The following HMGCLL1 variants were observed in gnomAD, a reference collection of about 807,000 sequenced individuals.
HMGCLL1 encodes the protein 3-hydroxymethyl-3-methylglutaryl-CoA lyase, cytoplasmic.
HMGCLL1 carries 36 observed loss-of-function variants against 39.1 expected under a neutral mutation model. The observed-to-expected ratio is 0.92, with a 90% CI of 0.71 to 1.22. The LOEUF is 1.22. Ranked by LOEUF, HMGCLL1 falls within the 50% of genes most tolerant of loss-of-function variation. The probability of loss-of-function intolerance (pLI) is 0.00; values close to 1 mark genes in which losing one functional copy is unlikely to be tolerated. For missense variants in HMGCLL1, 451 were observed against 416.5 expected, an observed-to-expected ratio of 1.08 and a Z score of -0.72; for synonymous variants, 149 against 144.0, an observed-to-expected ratio of 1.03 and a Z score of -0.25.
At chr6:55,553,159 CTA>C (rs367984717) in intron 1 of HMGCLL1, among the ~76,000 whole-genome samples, 44,636 of 133,688 alleles carry the variant, frequency 0.33, 7,439 homozygotes, top group Non-Finnish European at 0.4. Context: ...CTCTCTCTCT[CTA>C]TATATATATA....
chr6:55,530,086 T>TGGGGGGGGGC (rs1768573558), intron 3 of HMGCLL1, among the ~76,000 whole-genome samples: 4 of 147,374 alleles, frequency 2.7e-5, no homozygotes, highest in Non-Finnish European at 4.4e-5. Flanking sequence ...GGGGGCGGGG[T>TGGGGGGGGGC]GTGGATGACT....
intron 1 of HMGCLL1, among the ~76,000 whole-genome samples, chr6:55,555,519 G>A (rs1466836685): frequency 6.6e-6 from 1 of 152,078 alleles, no homozygotes; most frequent in Non-Finnish European, 1.5e-5. Context: ...ATTTTGTTGG[G>A]TTCACTGCTG....
At chr6:55,443,608 C>A (rs1763697193) in intron 7 of HMGCLL1, among the ~76,000 whole-genome samples, 1 of 151,770 alleles carries the variant, frequency 6.6e-6, no homozygotes, top group Non-Finnish European at 1.5e-5. Context: ...ATAGAGAAAC[C>A]AGTATTACCA....
chr6:55,545,758 G>A (rs1035711316), intron 1 of HMGCLL1, among the ~76,000 whole-genome samples: 4 of 151,994 alleles, frequency 2.6e-5, no homozygotes, highest in Admixed American at 6.6e-5. Flanking sequence ...AGTTGGATTT[G>A]CCTACTAGGC....
the HMGCLL1 span, among the ~76,000 whole-genome samples, chr6:55,590,160 A>T: frequency 6.6e-6 from 1 of 152,290 alleles, no homozygotes; most frequent in Middle Eastern, 3.4e-3. Flanking sequence ...CTATACTACA[A>T]GGCTACAGTA....
chr6:55,655,996 A>G, the HMGCLL1 span, among the ~76,000 whole-genome samples: 2 of 151,920 alleles, frequency 1.3e-5, no homozygotes, highest in South Asian at 4.1e-4. Flanking sequence ...AATCTCATAT[A>G]TTCTCTTGAT....
chr6:55,486,362 G>T (rs1027986652), intron 7 of HMGCLL1, among the ~76,000 whole-genome samples: 1 of 151,858 alleles, frequency 6.6e-6, no homozygotes, highest in Non-Finnish European at 1.5e-5. Flanking sequence ...ATTTTATTTG[G>T]CAGGCAGGCC....
chr6:55,644,745 C>T, the HMGCLL1 span, among the ~76,000 whole-genome samples: 1 of 151,852 alleles, frequency 6.6e-6, no homozygotes, highest in Non-Finnish European at 1.5e-5. Flanking sequence ...CTATTCTGTT[C>T]TATTGGCCTA....
intron 1 of HMGCLL1, among the ~76,000 whole-genome samples, chr6:55,544,786 C>T (rs543604149): frequency 6.6e-6 from 1 of 152,118 alleles, no homozygotes; most frequent in African/African-American, 2.4e-5. Flanking sequence ...TTAGTCAATT[C>T]AATAAGCAAA....
chr6:55,564,438 T>C (rs528206609), intron 1 of HMGCLL1, among the ~76,000 whole-genome samples: 178 of 152,182 alleles, frequency 1.2e-3, no homozygotes, highest in African/African-American at 4.2e-3. Context: ...ATGTGCACAA[T>C]GTGCAGGTTT....
the HMGCLL1 span, among the ~76,000 whole-genome samples, chr6:55,640,916 C>G: frequency 6.6e-6 from 1 of 151,796 alleles, no homozygotes; most frequent in Non-Finnish European, 1.5e-5. Flanking sequence ...TCAAAGATGT[C>G]CACTATATCC....
intron 8 of HMGCLL1, among the ~76,000 whole-genome samples, chr6:55,436,589 T>C (rs1763380489): frequency 6.6e-6 from 1 of 152,034 alleles, no homozygotes. Flanking sequence ...TAAGCTTCTA[T>C]GTTCCCCCTC....
the HMGCLL1 span, among the ~76,000 whole-genome samples, chr6:55,649,775 C>T: frequency 6.6e-6 from 1 of 151,554 alleles, no homozygotes; most frequent in Non-Finnish European, 1.5e-5. Flanking sequence ...TGTTTTTATT[C>T]TTTTCTTTTT....
chr6:55,522,936 G>C (rs140575924), intron 3 of HMGCLL1, among the ~76,000 whole-genome samples: 1 of 151,926 alleles, frequency 6.6e-6, no homozygotes, highest in African/African-American at 2.4e-5. Context: ...GAGTTCAGAG[G>C]AGGATCTAAA....
the HMGCLL1 span, among the ~76,000 whole-genome samples, chr6:55,585,589 C>G: frequency 6.6e-6 from 1 of 152,000 alleles, no homozygotes; most frequent in African/African-American, 2.4e-5. Flanking sequence ...TGAATGAGAA[C>G]ACAATTCACT....
intron 8 of HMGCLL1, among the ~76,000 whole-genome samples, chr6:55,437,389 C>T (rs1384421413): frequency 1.3e-5 from 2 of 151,150 alleles, no homozygotes; most frequent in Non-Finnish European, 3.0e-5. Flanking sequence ...ATTACGGAGG[C>T]AGAGATATGA....
At chr6:55,603,135 G>A in the HMGCLL1 span, among the ~76,000 whole-genome samples, 107 of 152,038 alleles carry the variant, frequency 7.0e-4, no homozygotes, top group Non-Finnish European at 1.4e-3. Context: ...AATTATTCTC[G>A]TTTCTAAGCA....
the HMGCLL1 span, among the ~76,000 whole-genome samples, chr6:55,640,038 A>G: frequency 6.6e-6 from 1 of 152,138 alleles, no homozygotes; most frequent in East Asian, 1.9e-4. Flanking sequence ...AGACCATGCC[A>G]TTGCACCCCA....
chr6:55,530,163 C>T (rs974172872), intron 3 of HMGCLL1, among the ~76,000 whole-genome samples: 4 of 151,938 alleles, frequency 2.6e-5, no homozygotes, highest in Non-Finnish European at 4.4e-5. Flanking sequence ...CAAGATGCAT[C>T]CATCTTGACT....
Sources: allele counts gnomAD v4.1 joint callset (sites outside exome capture counted in the v4.1 genomes callset), GRCh38; gene constraint gnomAD v4.1.1; transcripts MANE v1.5; gene names NCBI Gene and HGNC (gene_info 2026-07-23, HGNC 2026-07-21).